GART: variants seen among roughly 807,000 people sequenced by gnomAD.
GART encodes the protein phosphoribosylglycinamide formyltransferase, phosphoribosylglycinamide synthetase, phosphoribosylaminoimidazole synthetase, also known as trifunctional purine biosynthetic protein adenosine-3.
GART carries 43 observed loss-of-function variants against 107.2 expected under a neutral mutation model. That is an observed-to-expected ratio of 0.40 (90% confidence interval 0.31 to 0.52). The LOEUF (loss-of-function observed/expected upper bound fraction) is 0.52, where lower values mean the gene tolerates loss of function less well. Ranked by LOEUF, GART falls within the 20% of genes least tolerant of loss-of-function variation. GART has a pLI of 0.52. For synonymous variants in GART, 434 were observed against 427.0 expected, an observed-to-expected ratio of 1.02 and a Z score of -0.20; for missense variants, 1,107 against 1,206.5, an observed-to-expected ratio of 0.92 and a Z score of 1.22.
chr21:33,537,528 G>A (rs1279926014), intron 2 of GART, among the ~76,000 whole-genome samples: 1 of 152,140 alleles, frequency 6.6e-6, no homozygotes, highest in Non-Finnish European at 1.5e-5. Flanking sequence ...CAATAGTGAA[G>A]TAAAAATAAA....
chr21:33,535,211 G>T lies in GART; in HGVS notation c.241+14C>A. The T allele has an allele frequency of 6.6e-7, 1 of 1,513,268 alleles. No homozygotes were observed. Among genetic ancestry groups the T allele is most frequent in the Non-Finnish European group, 8.9e-7 (1 of 1,121,174 alleles). 93.7% of individuals were successfully genotyped at this position (1,513,268 alleles called of 1,614,324 possible). ...ACTGAATATACTGTAACAATAAACA[G>T]AAACAAACTTTACCAGCAGCCAGAG... On this transcript the variant is annotated intron_variant, in intron 3 of 21. Transcript: ENST00000381815.
At chr21:33,532,537 TATGC>T in intron 4 of GART, 81 bp from the exon 5 acceptor site, 2 of 1,024,494 alleles carry the variant, frequency 2.0e-6, no homozygotes, top group Non-Finnish European at 3.0e-6. Context: ...TTTGTAACGA[TATGC>T]TATAGCAATG....
chr21:33,528,449 A>C, intron 9 of GART, 70 bp downstream of exon 9: 1 of 1,538,866 alleles, frequency 6.5e-7, no homozygotes, highest in Non-Finnish European at 8.9e-7. Context: ...AATTACTTCC[A>C]GGCTGATAAA....
At chr21:33,528,812 T>C in intron 8 of GART, 38 bp downstream of exon 8, 2 of 1,371,384 alleles carry the variant, frequency 1.5e-6, no homozygotes, top group Non-Finnish European at 2.0e-6. Context: ...AGAAAGTTAC[T>C]CTATAGGTGG....
Position 33,518,672 on chromosome 21 carries a change from A to G in GART, c.1703-1064T>C, listed in dbSNP as rs993131597. 4 of 436,462 alleles carry G rather than the reference A, an allele frequency of 9.2e-6. No individual in the cohort carries two copies. The Admixed American group carries it at 1.1e-4, about 12-fold the overall frequency. 27.0% of individuals were successfully genotyped at this position (436,462 alleles called of 1,614,324 possible). ...TTTTTCTTCTTCAGAAGTTGACTCA[A>G]TTCAGTTTGCCTCATTCTTAATAGC... On this transcript the variant is annotated intron_variant, in intron 14 of 21. Coordinates refer to ENST00000381815, the MANE Select transcript of GART (RefSeq NM_000819.5).
chr21:33,525,110 G>A (rs1055915151), intron 10 of GART, 110 bp from the exon 11 acceptor site: 1 of 1,437,984 alleles, frequency 7.0e-7, no homozygotes, highest in Admixed American at 2.9e-5. Flanking sequence ...AACTTGGCTA[G>A]GTGCGGTGGC....
chr21:33,512,888 A>G (rs2084811993), intron 16 of GART, among the ~76,000 whole-genome samples: 1 of 151,632 alleles, frequency 6.6e-6, no homozygotes, highest in Non-Finnish European at 1.5e-5. Context: ...CTCAGCTGAT[A>G]ATCAGTTTTT....
chr21:33,509,102 C>T (rs897475471), intron 18 of GART: 1 of 152,172 alleles, frequency 6.6e-6, no homozygotes, highest in Non-Finnish European at 1.5e-5. Context: ...AGTATCAGAG[C>T]TGGTTGTGGT....
chr21:33,515,413 G>A (rs1478415833), intron 16 of GART, among the ~76,000 whole-genome samples: 8 of 152,074 alleles, frequency 5.3e-5, no homozygotes, highest in Non-Finnish European at 1.0e-4. Context: ...AGGCCAAGGC[G>A]GGTGGATCAT....
chr21:33,525,712 A>T (rs975834183), intron 10 of GART, among the ~76,000 whole-genome samples: 1 of 152,090 alleles, frequency 6.6e-6, no homozygotes, highest in South Asian at 2.1e-4. Flanking sequence ...AATAGTAATT[A>T]GACCTTTCTC....
intron 10 of GART, among the ~76,000 whole-genome samples, chr21:33,525,995 G>C (rs906456621): frequency 6.6e-6 from 1 of 150,950 alleles, no homozygotes; most frequent in African/African-American, 2.4e-5. Context: ...TCAGCCTCCT[G>C]AGTAGCTGGG....
intron 2 of GART, among the ~76,000 whole-genome samples, chr21:33,536,364 G>A (rs1343065167): frequency 6.6e-6 from 1 of 152,134 alleles, no homozygotes; most frequent in African/African-American, 2.4e-5. Flanking sequence ...GGCTCCATAG[G>A]GGCTCTCCTG....
intron 16 of GART, among the ~76,000 whole-genome samples, chr21:33,513,109 G>GTC: frequency 2.4e-4 from 5 of 20,944 alleles, no homozygotes; most frequent in Non-Finnish European, 4.6e-4. Flanking sequence ...GTGTCTCTGT[G>GTC]TGTGTGTGTG....
At position 33,539,131 on chromosome 21, in the gene GART, CAAA is replaced by C. The variant is rs772627466; in HGVS notation, c.145+37_145+39del. ...ATGGTTGACAGCATACCATTAATAA[CAAA>C]TAATAACTATTACTCCCCACTTTAA... On this transcript the variant is annotated intron_variant, in intron 2 of 21. Transcript: ENST00000381815. The C allele has an allele frequency of 7.0e-6, 11 of 1,577,566 alleles. No individual in the cohort carries two copies. The Admixed American group carries it at 1.8e-4, about 26-fold the overall frequency.
At chr21:33,513,531 C>T (rs2084827262) in intron 16 of GART, among the ~76,000 whole-genome samples, 1 of 152,032 alleles carries the variant, frequency 6.6e-6, no homozygotes, top group Non-Finnish European at 1.5e-5. Context: ...GATCGCACTA[C>T]TGTACTCCAG....
intron 2 of GART, among the ~76,000 whole-genome samples, chr21:33,538,060 T>A (rs1055765943): frequency 6.6e-6 from 1 of 151,912 alleles, no homozygotes; most frequent in African/African-American, 2.4e-5. Flanking sequence ...CTGACCAACA[T>A]AGTGAAACCC....
chr21:33,529,023 G>A (rs1393871827), intron 7 of GART, 86 bp from the exon 8 acceptor site: 1 of 825,532 alleles, frequency 1.2e-6, no homozygotes, highest in Non-Finnish European at 2.0e-6. Context: ...AGGGGATGAT[G>A]AGGATAACTC....
At chr21:33,517,202 A>G (rs2084894499) in intron 15 of GART, 61 bp from the exon 16 acceptor site, 1 of 1,564,644 alleles carries the variant, frequency 6.4e-7, no homozygotes, top group African/African-American at 1.4e-5. Context: ...AAACATAAAA[A>G]TCAACCTGGA....
chr21:33,510,237 A>G, intron 17 of GART: 1 of 216,996 alleles, frequency 4.6e-6, no homozygotes, highest in South Asian at 9.9e-5. Context: ...GACCACCCAC[A>G]GTAGTGCCAT....
Sources: gnomAD v4.1 joint callset for allele counts (sites outside exome capture counted in the v4.1 genomes callset) on GRCh38, gnomAD v4.1.1 for gene constraint, MANE v1.5 for transcripts, NCBI Gene and HGNC (gene_info 2026-07-23, HGNC 2026-07-21) for gene names.